The following SRGAP1 variants were observed in gnomAD, a reference collection of about 807,000 sequenced individuals.
SRGAP1 encodes the protein SLIT-ROBO Rho GTPase activating protein 1, also known as SLIT-ROBO Rho GTPase-activating protein 1.
In SRGAP1, 43 loss-of-function variants were observed where a neutral mutation model predicts 121.9. The observed-to-expected ratio is 0.35, with a 90% CI of 0.28 to 0.46. SRGAP1 has a LOEUF of 0.46. Among genes scored for constraint, SRGAP1 ranks in the 20% least tolerant of loss-of-function variants. The probability of loss-of-function intolerance (pLI) is 1.00; values close to 1 mark genes in which losing one functional copy is unlikely to be tolerated. For missense variants in SRGAP1, 1,102 were observed against 1,350.9 expected (o/e 0.82, Z 2.89); for synonymous variants, 447 against 485.4 (o/e 0.92, Z 1.04).
Position 64,091,373 on chromosome 12 carries a change from GT to G in SRGAP1, c.1535del (p.Val512AlafsTer69). Reference protein sequence around the residue: ...KLFNGDLETFVKDSGQVIPLI... With the variant: ...KLFNGDLETFXKDSGQVIPLI... ...GTTTAATGGGGATTTGGAAACATTC[GT>G]CAAGGTACTGGCACCAGCCATCTGG... is the stretch of plus-strand genomic sequence containing the variant. On this transcript the variant is annotated frameshift_variant, in exon 12 of 22. Transcript: ENST00000355086. LOFTEE classifies it high-confidence loss of function. 3 of 1,603,086 alleles carry G rather than the reference GT, an allele frequency of 1.9e-6. No homozygotes were observed. Among genetic ancestry groups the G allele is most frequent in the Non-Finnish European group, 2.6e-6 (3 of 1,173,342 alleles).
rs2034337450 is a variant in SRGAP1 at position 64,014,186 on chromosome 12, A to G, written c.427-2764A>G. Among the ~76,000 whole-genome samples, 3 of 152,220 alleles carry G rather than the reference A, an allele frequency of 2.0e-5. No individual in the cohort carries two copies. In the South Asian group the frequency reaches 6.2e-4, roughly 32 times the overall value. On this transcript the variant is annotated intron_variant, in intron 3 of 21. Coordinates refer to ENST00000355086, the MANE Select transcript of SRGAP1 (RefSeq NM_020762.4). ...AGGAAACTGAGGCATAGGCAGATCC[A>G]AAGTCACTGAGACTTCACCTTAGGC...
intron 1 of SRGAP1, among the ~76,000 whole-genome samples, chr12:63,919,523 C>CTATATAT: frequency 7.7e-6 from 1 of 129,388 alleles, no homozygotes; most frequent in African/African-American, 3.1e-5. Flanking sequence ...TATATATATA[C>CTATATAT]ACATACACAC....
chr12:63,863,298 T>C (rs1251397496), intron 1 of SRGAP1, among the ~76,000 whole-genome samples: 2 of 147,494 alleles, frequency 1.4e-5, no homozygotes, highest in Non-Finnish European at 3.0e-5. Flanking sequence ...TTTGAGACAG[T>C]GTCTTACCTT....
At chr12:64,129,746 T>C (rs1482542879) in intron 21 of SRGAP1, among the ~76,000 whole-genome samples, 1 of 152,202 alleles carries the variant, frequency 6.6e-6, no homozygotes, top group African/African-American at 2.4e-5. Context: ...TAAATGCTGA[T>C]AGGAAGTCAA....
chr12:63,865,528 AT>A (rs1329326882), intron 1 of SRGAP1, among the ~76,000 whole-genome samples: 1 of 152,144 alleles, frequency 6.6e-6, no homozygotes, highest in Non-Finnish European at 1.5e-5. Context: ...CTTGAAAAGC[AT>A]TTTCTGCATC....
chr12:63,933,806 T>C (rs2031566178), intron 1 of SRGAP1, among the ~76,000 whole-genome samples: 1 of 152,184 alleles, frequency 6.6e-6, no homozygotes, highest in African/African-American at 2.4e-5. Flanking sequence ...CTTTAATAAC[T>C]AGTCCCAGGT....
chr12:64,108,821 G>T, intron 15 of SRGAP1, 111 bp from the exon 16 acceptor site: 1 of 626,948 alleles, frequency 1.6e-6, no homozygotes, highest in South Asian at 4.2e-5. Context: ...TCTCACACAA[G>T]AGCAGGGTGT....
At chr12:63,970,074 C>T (rs530795305) in intron 1 of SRGAP1, among the ~76,000 whole-genome samples, 1 of 152,264 alleles carries the variant, frequency 6.6e-6, no homozygotes, top group South Asian at 2.1e-4. Context: ...TTCCCCAGAC[C>T]ATCAGTCCAG....
intron 1 of SRGAP1, among the ~76,000 whole-genome samples, chr12:63,889,206 G>C (rs1036637945): frequency 6.6e-6 from 1 of 152,170 alleles, no homozygotes; most frequent in African/African-American, 2.4e-5. Flanking sequence ...TAGAGTGGGG[G>C]CTCAGTGCTC....
chr12:64,000,808 C>T (rs564527655), intron 3 of SRGAP1, among the ~76,000 whole-genome samples: 52 of 152,204 alleles, frequency 3.4e-4, no homozygotes, highest in Admixed American at 3.2e-3. Context: ...CCTATGGATG[C>T]GGGATTCTCT....
chr12:64,127,361 T>C (rs699629), intron 19 of SRGAP1, among the ~76,000 whole-genome samples: 1,630 of 152,348 alleles, frequency 0.011, 34 homozygotes, highest in African/African-American at 0.037. Flanking sequence ...TTATGGGTGA[T>C]TATTTCAGTC....
At chr12:64,020,226 G>C (rs2034508485) in intron 4 of SRGAP1, among the ~76,000 whole-genome samples, 1 of 152,272 alleles carries the variant, frequency 6.6e-6, no homozygotes, top group South Asian at 2.1e-4. Context: ...TTATACGTTA[G>C]AGTGAACCTA....
chr12:63,987,282 T>C (rs904796728), intron 2 of SRGAP1, among the ~76,000 whole-genome samples: 1 of 152,196 alleles, frequency 6.6e-6, no homozygotes, highest in Non-Finnish European at 1.5e-5. Context: ...GTGTAGAACA[T>C]TCTTTGGCCT....
intron 6 of SRGAP1, among the ~76,000 whole-genome samples, chr12:64,046,864 T>C (rs576068430): frequency 6.6e-6 from 1 of 152,238 alleles, no homozygotes; most frequent in Admixed American, 6.5e-5. Context: ...CATAATCTCA[T>C]TGAATCATCA....
intron 8 of SRGAP1, among the ~76,000 whole-genome samples, chr12:64,076,663 T>A (rs1318810679): frequency 6.6e-6 from 1 of 152,178 alleles, no homozygotes; most frequent in African/African-American, 2.4e-5. Context: ...ATTTTTTTTT[T>A]TGAGACAGAG....
intron 1 of SRGAP1, among the ~76,000 whole-genome samples, chr12:63,869,292 T>A (rs370138266): frequency 6.6e-6 from 1 of 152,216 alleles, no homozygotes; most frequent in South Asian, 2.1e-4. Context: ...ATGTATCTTT[T>A]ATAAGGAGCC....
At chr12:64,013,714 C>A (rs1040376720) in intron 3 of SRGAP1, among the ~76,000 whole-genome samples, 1 of 152,170 alleles carries the variant, frequency 6.6e-6, no homozygotes, top group African/African-American at 2.4e-5. Context: ...AGGGATGTTT[C>A]ATTAATTCAT....
At chr12:64,097,552 C>A in intron 15 of SRGAP1, 177 bp downstream of exon 15, 2 of 645,588 alleles carry the variant, frequency 3.1e-6, no homozygotes, top group Non-Finnish European at 4.8e-6. Context: ...CAGCTGTGGC[C>A]TCACCCTCGG....
intron 3 of SRGAP1, among the ~76,000 whole-genome samples, chr12:64,007,398 T>G (rs2034118064): frequency 6.6e-6 from 1 of 152,090 alleles, no homozygotes; most frequent in African/African-American, 2.4e-5. Flanking sequence ...GGGTTTGTGC[T>G]CCTATGAGAA....
Sources: allele counts gnomAD v4.1 joint callset (sites outside exome capture counted in the v4.1 genomes callset), GRCh38; gene constraint gnomAD v4.1.1; transcripts MANE v1.5; gene names NCBI Gene and HGNC (gene_info 2026-07-23, HGNC 2026-07-21).